The following SYNDIG1 variants were observed in gnomAD, a reference collection of about 807,000 sequenced individuals.
The protein encoded by SYNDIG1 is synapse differentiation inducing 1.
A neutral mutation model predicts 19.4 loss-of-function variants in SYNDIG1; 9 were observed. That is an observed-to-expected ratio of 0.46 (90% CI 0.28 to 0.81). The LOEUF (loss-of-function observed/expected upper bound fraction) is 0.81, where lower values mean the gene tolerates loss of function less well. Ranked by LOEUF, SYNDIG1 falls within the 30% of genes least tolerant of loss-of-function variation. The probability of loss-of-function intolerance (pLI) is 0.12; values close to 1 mark genes in which losing one functional copy is unlikely to be tolerated. For missense variants in SYNDIG1, 311 were observed against 343.3 expected (o/e 0.91, Z 0.74); for synonymous variants, 141 against 145.9 (o/e 0.97, Z 0.24).
At chr20:24,498,357 T>C (rs1005091677) in intron 1 of SYNDIG1, among the ~76,000 whole-genome samples, 5 of 152,218 alleles carry the variant, frequency 3.3e-5, no homozygotes, top group African/African-American at 4.8e-5. Flanking sequence ...ATTATAAGTG[T>C]ATATTATATA....
At chr20:24,664,674 G>A (rs974705066) in intron 3 of SYNDIG1, among the ~76,000 whole-genome samples, 1 of 152,156 alleles carries the variant, frequency 6.6e-6, no homozygotes, top group East Asian at 1.9e-4. Context: ...AGGAATATAG[G>A]TGTTAGTTTT....
At chr20:24,594,568 T>G (rs1158353139) in intron 3 of SYNDIG1, among the ~76,000 whole-genome samples, 1 of 152,188 alleles carries the variant, frequency 6.6e-6, no homozygotes, top group Non-Finnish European at 1.5e-5. Context: ...GTGAAAAATG[T>G]CATTGGTAAT....
chr20:24,480,703 A>G (rs1057393808), intron 1 of SYNDIG1, among the ~76,000 whole-genome samples: 1 of 152,256 alleles, frequency 6.6e-6, no homozygotes, highest in Non-Finnish European at 1.5e-5. Flanking sequence ...TATTCACAAT[A>G]GCTAAAACGT....
Position 24,666,083 on chromosome 20 carries a change from A to G in SYNDIG1, c.*579A>G, listed in dbSNP as rs2059644752. 1 of 153,022 alleles carries G rather than the reference A, an allele frequency of 6.5e-6. No homozygotes were observed. The highest frequency in any genetic ancestry group is 2.4e-5 in the African/African-American group (1 of 41,444). 9.5% of individuals were successfully genotyped at this position (153,022 alleles called of 1,614,324 possible). On this transcript the variant is annotated 3_prime_UTR_variant, in exon 4 of 4. Transcript: ENST00000376862. ...CTGACCCTGAGAAGCAGAGCCAGCAAAGCCCGGGACCTGCCCCTCTTTCTT... is the reference window on the plus strand; with the variant it reads ...CTGACCCTGAGAAGCAGAGCCAGCAGAGCCCGGGACCTGCCCCTCTTTCTT...
chr20:24,617,758 C>T (rs1192506374), intron 3 of SYNDIG1, among the ~76,000 whole-genome samples: 4 of 144,754 alleles, frequency 2.8e-5, no homozygotes, highest in African/African-American at 1.0e-4. Flanking sequence ...GCTCGGGAAG[C>T]TTAAGGAGGG....
intron 1 of SYNDIG1, among the ~76,000 whole-genome samples, chr20:24,500,687 A>G (rs2056434059): frequency 6.6e-6 from 1 of 151,854 alleles, no homozygotes; most frequent in South Asian, 2.1e-4. Flanking sequence ...TTTAGACTTG[A>G]CCTCACGTCT....
intron 3 of SYNDIG1, among the ~76,000 whole-genome samples, chr20:24,662,293 C>T (rs1037051238): frequency 6.6e-6 from 1 of 151,852 alleles, no homozygotes; most frequent in African/African-American, 2.4e-5. Context: ...TGCTATGGCG[C>T]AAGTTTACTT....
intron 3 of SYNDIG1, among the ~76,000 whole-genome samples, chr20:24,638,905 G>A (rs762816845): frequency 3.2e-4 from 48 of 152,178 alleles, no homozygotes; most frequent in Non-Finnish European, 6.3e-4. Flanking sequence ...TAGCCCAGGG[G>A]TGCCAAAGGT....
intron 3 of SYNDIG1, among the ~76,000 whole-genome samples, chr20:24,641,831 T>G (rs544419795): frequency 1.3e-5 from 2 of 152,302 alleles, no homozygotes; most frequent in Admixed American, 6.5e-5. Flanking sequence ...TAAAGTCAAC[T>G]TTTTATTTTA....
intron 3 of SYNDIG1, among the ~76,000 whole-genome samples, chr20:24,661,477 AGAGG>A (rs2059593092): frequency 3.5e-5 from 2 of 56,898 alleles, no homozygotes; most frequent in African/African-American, 7.1e-5. Context: ...GAGGGAGGGA[AGAGG>A]GAGGAAGAAG....
intron 2 of SYNDIG1, among the ~76,000 whole-genome samples, chr20:24,547,640 G>C (rs1386538429): frequency 6.6e-6 from 1 of 152,152 alleles, no homozygotes; most frequent in East Asian, 1.9e-4. Flanking sequence ...AATTGGGCCT[G>C]ATGTCCGACA....
In SYNDIG1 at chr20:24,508,079, AC is replaced by A. The variant is rs2056641776; in HGVS notation, c.-78-34939del. Among the ~76,000 whole-genome samples, 4 of 152,334 alleles carry A rather than the reference AC, an allele frequency of 2.6e-5. 1 individual carries two copies. In the South Asian group the frequency reaches 8.3e-4, roughly 32 times the overall value. Reference sequence around the variant, plus strand: ...ACCTAATGTGGTCTTAAAAGCATAAACCAATAAAAAAAGAAATGAAAAGTAA... The same window carrying A: ...ACCTAATGTGGTCTTAAAAGCATAAACAATAAAAAAAGAAATGAAAAGTAA... On this transcript the variant is annotated intron_variant, in intron 1 of 3. Coordinates refer to ENST00000376862, the MANE Select transcript of SYNDIG1 (RefSeq NM_024893.3).
chr20:24,487,156 A>C (rs2055990846), intron 1 of SYNDIG1, among the ~76,000 whole-genome samples: 1 of 152,242 alleles, frequency 6.6e-6, no homozygotes, highest in African/African-American at 2.4e-5. Context: ...CCAGCAGCAC[A>C]GAGCTTGCAG....
chr20:24,551,284 T>C (rs2057701876), intron 2 of SYNDIG1, among the ~76,000 whole-genome samples: 1 of 152,230 alleles, frequency 6.6e-6, no homozygotes, highest in Non-Finnish European at 1.5e-5. Flanking sequence ...ATGAAGTTGT[T>C]CATCATATTC....
At position 24,543,541 on chromosome 20, in the gene SYNDIG1, C is replaced by T. The variant is rs74959337; in HGVS notation, c.444C>T (p.Tyr148=). Residue 148 remains tyrosine, a synonymous_variant, in exon 2 of 4, where the codon TAC becomes TAT. Transcript: ENST00000376862. ...ACATAAAAATCCACACCCTGTCCTA[C>T]GATGTGGAGGAGGAGGAGGAGTTCC... ...ADDIKIHTLS[Y]DVEEEEEFQE... is the part of the protein sequence containing the mutation. 1.5e-3 allele frequency: 2,423 copies of T among 1,604,470 alleles called. 39 individuals are homozygous for T. The African/African-American group carries it at 0.027, about 18-fold the overall frequency.
intron 1 of SYNDIG1, among the ~76,000 whole-genome samples, chr20:24,520,693 CAAAA>C (rs11475871): frequency 6.9e-6 from 1 of 144,856 alleles, no homozygotes; most frequent in African/African-American, 2.5e-5. Context: ...AACTCTGTCT[CAAAA>C]AAAAAAAAAA....
At chr20:24,562,680 T>G (rs2057969589) in intron 2 of SYNDIG1, among the ~76,000 whole-genome samples, 1 of 152,210 alleles carries the variant, frequency 6.6e-6, no homozygotes, top group Non-Finnish European at 1.5e-5. Context: ...TATCCAAATG[T>G]GTGTGCTGAG....
intron 1 of SYNDIG1, among the ~76,000 whole-genome samples, chr20:24,520,266 T>C (rs1234831421): frequency 1.3e-5 from 2 of 150,948 alleles, no homozygotes; most frequent in South Asian, 2.1e-4. Context: ...TACATAATAG[T>C]ATATGTATAT....
At chr20:24,661,546 AGG>A (rs2059601550) in intron 3 of SYNDIG1, among the ~76,000 whole-genome samples, 1 of 34,092 alleles carries the variant, frequency 2.9e-5, no homozygotes. Flanking sequence ...GGAAGGAGGG[AGG>A]GAGGAAAAAA....
Sources: gnomAD v4.1 joint callset for allele counts (sites outside exome capture counted in the v4.1 genomes callset) on GRCh38, gnomAD v4.1.1 for gene constraint, MANE v1.5 for transcripts, NCBI Gene and HGNC (gene_info 2026-07-23, HGNC 2026-07-21) for gene names.